Variants in AGO4 observed in about 807,000 individuals in gnomAD.
AGO4 encodes protein argonaute-4.
AGO4 carries 33 observed loss-of-function variants against 104.7 expected under a neutral mutation model. The ratio of observed to expected loss-of-function variants is 0.32; its 90% confidence interval spans 0.24 to 0.42. The LOEUF (loss-of-function observed/expected upper bound fraction) is 0.42, where lower values mean the gene tolerates loss of function less well. Among genes scored for constraint, AGO4 ranks in the 10% least tolerant of loss-of-function variants. AGO4 has a pLI of 1.00. For missense variants in AGO4, 711 were observed against 1,083.4 expected (o/e 0.66, Z 4.83); for synonymous variants, 331 against 364.7 (o/e 0.91, Z 1.05).
chr1:35,839,518 T>C lies in AGO4; in HGVS notation c.1725-1647T>C, dbSNP rs377431570. On this transcript the variant is annotated intron_variant, in intron 13 of 17. Transcript: ENST00000373210. ...ATGTCTTATTTTTTATCTGGAAAAA[T>C]TGAGATAATAATTGTACCACCCTCA... is the stretch of plus-strand genomic sequence containing the variant. Among the ~76,000 whole-genome samples, 291 of 152,246 alleles carry C rather than the reference T, an allele frequency of 1.9e-3. 7 individuals carry two copies. The South Asian group carries it at 0.058, about 30-fold the overall frequency.
At chr1:35,838,745 C>T (rs1644372834) in intron 13 of AGO4, among the ~76,000 whole-genome samples, 1 of 152,084 alleles carries the variant, frequency 6.6e-6, no homozygotes, top group African/African-American at 2.4e-5. Flanking sequence ...GGCCTCAGTT[C>T]CTTATCTATC....
intron 7 of AGO4, among the ~76,000 whole-genome samples, chr1:35,827,243 G>A (rs1454515006): frequency 2.0e-5 from 3 of 151,936 alleles, no homozygotes; most frequent in Non-Finnish European, 4.4e-5. Flanking sequence ...ATCTTGGCCA[G>A]GCATGGTGGC....
chr1:35,840,185 T>C (rs1165941099), intron 13 of AGO4, among the ~76,000 whole-genome samples: 1 of 151,030 alleles, frequency 6.6e-6, no homozygotes, highest in African/African-American at 2.4e-5. Flanking sequence ...TTTGAGACGG[T>C]CTTGCTCTGT....
chr1:35,846,895 ACAGTAAG>A (rs1369662748), intron 15 of AGO4, among the ~76,000 whole-genome samples: 1 of 152,102 alleles, frequency 6.6e-6, no homozygotes, highest in Non-Finnish European at 1.5e-5. Context: ...ATAAAATGGT[ACAGTAAG>A]CAAGGCGTGG....
In AGO4 at chr1:35,808,360, G is replaced by T; in HGVS notation, c.-57G>T. 1 of 1,001,206 alleles carries T rather than the reference G, an allele frequency of 1.0e-6. No individual in the cohort carries two copies. Among genetic ancestry groups the T allele is most frequent in the Non-Finnish European group, 1.2e-6 (1 of 836,866 alleles). The allele number at this position is 1,001,206 out of a possible 1,614,324, so 62.0% of individuals were successfully genotyped here. ...TTACGCGGCGGCGGCGGCGGCGGCG[G>T]CGGGGCCCGGAGCGGGAGGCGCCGG... On this transcript the variant is annotated 5_prime_UTR_variant, in exon 1 of 18. Coordinates refer to ENST00000373210, the MANE Select transcript of AGO4 (RefSeq NM_017629.4). This position sits in a 1 kb window ranked among gnomAD's most constrained non-coding sequence, Gnocchi z 5.2.
At chr1:35,811,665 G>A (rs977595645) in intron 1 of AGO4, among the ~76,000 whole-genome samples, 5 of 151,740 alleles carry the variant, frequency 3.3e-5, no homozygotes, top group South Asian at 2.1e-4. Flanking sequence ...GTGCAGTGGC[G>A]CCATCTCGGC....
rs200942287 is a variant in AGO4 at position 35,824,448 on chromosome 1, TA to T, written c.307-864del. Among the ~76,000 whole-genome samples the T allele has an allele frequency of 1.5e-3, 227 of 152,236 alleles. 2 individuals carry two copies. The East Asian group carries it at 0.035, about 24-fold the overall frequency. ...TTCTATACATTTATATCTACCTTAT[TA>T]TTTTTTTTCAAATTTAAGTTTTTAT... On this transcript the variant is annotated intron_variant, in intron 3 of 17. Transcript: ENST00000373210.
At chr1:35,853,398 T>G (rs1204135725) in intron 17 of AGO4, 99 bp from the exon 18 acceptor site, 5 of 895,008 alleles carry the variant, frequency 5.6e-6, no homozygotes, top group African/African-American at 1.7e-5. Flanking sequence ...TTTGAAGTGG[T>G]CTTCTGTTAC....
intron 1 of AGO4, among the ~76,000 whole-genome samples, 168 bp from the exon 2 acceptor site, chr1:35,816,714 G>T (rs756587468): frequency 2.7e-5 from 4 of 150,534 alleles, no homozygotes; most frequent in African/African-American, 9.8e-5. Context: ...CAGGAGAATC[G>T]CTTGGAACTG....
rs1312886360 is a variant in AGO4, at chr1:35,841,307, G to T, written c.1867G>T (p.Val623Leu). ...CAGCCGGTACTGTGCCACCGTTCGG[G>T]TGCAGACTTCCCGGCAGGAGATCTC... ...HPSRYCATVR[V>L]QTSRQEISQE... The change falls in exon 14 of 18, where the codon GTG becomes TTG. Residue 623 changes from valine (V) to leucine (L), a missense_variant. Physicochemically the swap from Val to Leu is conservative, Grantham distance 32. Around this residue, in one of 3 missense-constraint regions of AGO4, gnomAD observed 401 missense variants for 665.5 expected, o/e 0.60. Coordinates refer to ENST00000373210, the MANE Select transcript of AGO4 (RefSeq NM_017629.4). This position sits in a 1 kb window ranked among gnomAD's most constrained non-coding sequence, Gnocchi z 4.7. The T allele has an allele frequency of 4.3e-6, 7 of 1,614,160 alleles. No individual in the cohort carries two copies. The highest frequency in any genetic ancestry group is 5.9e-6 in the Non-Finnish European group (7 of 1,180,034).
At position 35,825,501 on chromosome 1, in the gene AGO4, A is replaced by G. The variant is rs149377756; in HGVS notation, c.488+7A>G. 1.2e-6 allele frequency: 2 copies of G among 1,610,016 alleles called. No individual in the cohort carries two copies. Among genetic ancestry groups the G allele is most frequent in the Non-Finnish European group, 1.7e-6 (2 of 1,177,814 alleles). ...GACACCTTCCCTCCATGAGGTTAGT[A>G]CCTTGGTTTGGATTATTTCCTACAA... On this transcript the variant is annotated splice_region_variant and intron_variant, in intron 4 of 17. Coordinates refer to ENST00000373210, the MANE Select transcript of AGO4 (RefSeq NM_017629.4).
chr1:35,819,024 T>C (rs1335832539), intron 2 of AGO4, among the ~76,000 whole-genome samples: 1 of 152,206 alleles, frequency 6.6e-6, no homozygotes, highest in East Asian at 1.9e-4. Context: ...AAAGTAATGG[T>C]GGTTTAGACT....
At chr1:35,809,637 G>A (rs534656801) in intron 1 of AGO4, among the ~76,000 whole-genome samples, 33 of 152,110 alleles carry the variant, frequency 2.2e-4, no homozygotes, top group Non-Finnish European at 3.7e-4. Context: ...TATTATGCCA[G>A]GTTAACTTCA....
chr1:35,809,837 G>C (rs913052344), intron 1 of AGO4, among the ~76,000 whole-genome samples: 5 of 152,186 alleles, frequency 3.3e-5, no homozygotes, highest in South Asian at 2.1e-4. Flanking sequence ...GAGAGTATAT[G>C]ATAAGTCTTA....
chr1:35,825,077 A>T (rs116361417), intron 3 of AGO4, among the ~76,000 whole-genome samples: 1 of 152,256 alleles, frequency 6.6e-6, no homozygotes, highest in African/African-American at 2.4e-5. Flanking sequence ...CATTTAGCAT[A>T]ATGTTTTCAA....
intron 12 of AGO4, among the ~76,000 whole-genome samples, chr1:35,835,586 A>G (rs1479091761): frequency 6.6e-6 from 1 of 152,150 alleles, no homozygotes; most frequent in East Asian, 1.9e-4. Flanking sequence ...AGCACAGAGA[A>G]TAAAGGAAGC....
At chr1:35,826,976 T>G (rs1571275883) in intron 7 of AGO4, 141 bp downstream of exon 7, 1 of 798,646 alleles carries the variant, frequency 1.3e-6, no homozygotes, top group Non-Finnish European at 1.9e-6. Context: ...CCGAGGTAGG[T>G]GGATCATGAG....
intron 13 of AGO4, among the ~76,000 whole-genome samples, chr1:35,839,386 A>G (rs1250702149): frequency 6.6e-6 from 1 of 152,194 alleles, no homozygotes; most frequent in Admixed American, 6.5e-5. Context: ...TTGAGACAAT[A>G]TAGTGTAGTG....
rs758091832 is a variant in AGO4, at chr1:35,841,163, A to C, written c.1725-2A>C. 6.2e-7 allele frequency: 1 copy of C among 1,607,328 alleles called. No homozygotes were observed. Among genetic ancestry groups the C allele is most frequent in the South Asian group, 1.1e-5 (1 of 90,984 alleles). On this transcript the variant is annotated splice_acceptor_variant, in intron 13 of 17. Coordinates refer to ENST00000373210, the MANE Select transcript of AGO4 (RefSeq NM_017629.4). LOFTEE classifies it high-confidence loss of function. The surrounding 1 kb of genome is among the most constrained non-coding windows in gnomAD (Gnocchi z 4.7). ...TGGCAACATCTCCTTAAATCTGAGC[A>C]GGCCCTCGGTGTTCCAGCAGCCTGT...
Sources: allele counts gnomAD v4.1 joint callset (sites outside exome capture counted in the v4.1 genomes callset), GRCh38; gene constraint gnomAD v4.1.1; regional missense constraint gnomAD v4.1.1; non-coding constraint Gnocchi (gnomAD v3.1); transcripts MANE v1.5; gene names NCBI Gene and HGNC (gene_info 2026-07-23, HGNC 2026-07-21).